Variants in CHRM3 observed in about 807,000 individuals in gnomAD.
The protein encoded by CHRM3 is cholinergic receptor muscarinic 3.
In CHRM3, 11 loss-of-function variants were observed where a neutral mutation model predicts 41.8. The ratio of observed to expected loss-of-function variants is 0.26; its 90% CI spans 0.17 to 0.44. The LOEUF is 0.44. CHRM3 is among the 20% of genes least tolerant of loss of function. The pLI is 1.00. For synonymous variants in CHRM3, 297 were observed against 301.4 expected, an observed-to-expected ratio of 0.99 and a Z score of 0.15; for missense variants, 571 against 745.4, an observed-to-expected ratio of 0.77 and a Z score of 2.72.
intron 1 of CHRM3, among the ~76,000 whole-genome samples, chr1:239,393,359 A>G (rs1039576759): frequency 2.6e-5 from 4 of 152,176 alleles, no homozygotes; most frequent in African/African-American, 9.7e-5. Context: ...TAAAAGCACA[A>G]CTTCTGTTGT....
chr1:239,800,610 G>A lies in CHRM3; in HGVS notation c.-146-26642G>A, dbSNP rs913875533. Among the ~76,000 whole-genome samples, 16 of 152,112 alleles carry A rather than the reference G, an allele frequency of 1.1e-4. 1 individual carries two copies. The highest frequency in any genetic ancestry group is 7.9e-4 in the Admixed American group (12 of 15,276). On this transcript the variant is annotated intron_variant, in intron 5 of 6. Transcript: ENST00000676153. ...TCTGAGATTCTGCAATTCTTACAAC[G>A]TCCAAGTCCAAGGAGATGCCAGCAT... is the stretch of plus-strand genomic sequence containing the variant.
intron 1 of CHRM3, among the ~76,000 whole-genome samples, chr1:239,425,505 A>G (rs1299939319): frequency 6.6e-6 from 1 of 152,052 alleles, no homozygotes. Context: ...GCCTTCACTC[A>G]TCCTTTCCCC....
chr1:239,798,199 AT>A (rs1669944082), intron 5 of CHRM3, among the ~76,000 whole-genome samples: 1 of 152,216 alleles, frequency 6.6e-6, no homozygotes. Context: ...TATTGTAAGA[AT>A]ATAGTATATA....
At chr1:239,840,303 C>T (rs1022461607) in intron 6 of CHRM3, among the ~76,000 whole-genome samples, 10 of 152,116 alleles carry the variant, frequency 6.6e-5, no homozygotes, top group African/African-American at 2.4e-4. Flanking sequence ...AGCGTTAACC[C>T]CATTAACCTG....
At chr1:239,725,369 A>G (rs907326380) in intron 5 of CHRM3, among the ~76,000 whole-genome samples, 1 of 151,936 alleles carries the variant, frequency 6.6e-6, no homozygotes, top group Non-Finnish European at 1.5e-5. Context: ...CTGCATATAC[A>G]AATTAAAATT....
chr1:239,644,102 ATTTTGGAACCCATCCTAACCT>A, intron 4 of CHRM3, among the ~76,000 whole-genome samples: 1 of 152,218 alleles, frequency 6.6e-6, no homozygotes, highest in East Asian at 1.9e-4. Context: ...AAGGCAAATG[ATTTTGGAACCCATCCTAACCT>A]TTTAGTATCA....
At chr1:239,423,255 C>T (rs1662100844) in intron 1 of CHRM3, among the ~76,000 whole-genome samples, 2 of 152,122 alleles carry the variant, frequency 1.3e-5, no homozygotes, top group Non-Finnish European at 2.9e-5. Context: ...AGCAGGTGTG[C>T]AATGATGATC....
chr1:239,874,811 G>A (rs932242387), intron 6 of CHRM3, among the ~76,000 whole-genome samples: 1 of 151,636 alleles, frequency 6.6e-6, no homozygotes, highest in East Asian at 2.0e-4. Context: ...AGACTGTCCC[G>A]CCTCAGCCTC....
chr1:239,897,194 T>C (rs1679080730), intron 6 of CHRM3, among the ~76,000 whole-genome samples: 1 of 152,210 alleles, frequency 6.6e-6, no homozygotes, highest in Non-Finnish European at 1.5e-5. Context: ...TTTGCAAATA[T>C]ACAGTTCTAT....
At chr1:239,497,489 G>A (rs1015465555) in intron 2 of CHRM3, among the ~76,000 whole-genome samples, 3 of 152,096 alleles carry the variant, frequency 2.0e-5, no homozygotes, top group Admixed American at 6.6e-5. Context: ...TCCCCAGTAC[G>A]TTACTTGGAT....
At chr1:239,894,210 A>G (rs1437797513) in intron 6 of CHRM3, among the ~76,000 whole-genome samples, 3 of 152,242 alleles carry the variant, frequency 2.0e-5, no homozygotes, top group Non-Finnish European at 4.4e-5. Context: ...AGGAAGGAAA[A>G]GGAAAAAAGC....
intron 3 of CHRM3, among the ~76,000 whole-genome samples, chr1:239,576,278 C>CA (rs1662330132): frequency 6.6e-6 from 1 of 151,942 alleles, no homozygotes; most frequent in Admixed American, 6.6e-5. Context: ...TACCCACCCC[C>CA]ATCCCCAGGG....
intron 6 of CHRM3, among the ~76,000 whole-genome samples, chr1:239,838,353 G>A (rs1354206746): frequency 6.6e-6 from 1 of 152,050 alleles, no homozygotes; most frequent in East Asian, 1.9e-4. Context: ...AGAGACAAAT[G>A]TTTGTGGTTA....
chr1:239,582,723 A>G lies in CHRM3; in HGVS notation c.-313+36974A>G, dbSNP rs187734417. Among the ~76,000 whole-genome samples the G allele has an allele frequency of 5.5e-3, 843 of 152,202 alleles. 5 individuals are homozygous for G. Among genetic ancestry groups the G allele is most frequent in the African/African-American group, 0.016 (662 of 41,550 alleles). ...ATCTTCTCTTTCCTGGGTTACTAAA[A>G]CAGCGTAATAACTGGCCACTTAACT... On this transcript the variant is annotated intron_variant, in intron 3 of 6. Coordinates refer to ENST00000676153, the MANE Select transcript of CHRM3 (RefSeq NM_001375978.1).
intron 6 of CHRM3, among the ~76,000 whole-genome samples, chr1:239,853,718 C>T (rs1206187131): frequency 6.6e-6 from 1 of 152,074 alleles, no homozygotes; most frequent in Non-Finnish European, 1.5e-5. Context: ...GTGTGTTCCT[C>T]TTCCTCTCCT....
chr1:239,908,380 G>T lies in CHRM3; in HGVS notation c.929G>T (p.Arg310Leu), dbSNP rs200806862. ...MKRSNRRKYG[R>L]CHFWFTTKSW... ...CGCTCCAACAGGAGGAAGTATGGCC[G>T]CTGCCACTTCTGGTTCACAACCAAG... Residue 310 changes from arginine (R) to leucine (L), a missense_variant, in exon 7 of 7, where the codon CGC becomes CTC. Transcript: ENST00000676153. This position sits in a 1 kb window ranked among gnomAD's most constrained non-coding sequence, Gnocchi z 7.2. 1 of 1,613,942 alleles carries T rather than the reference G, an allele frequency of 6.2e-7. No individual in the cohort carries two copies. Among genetic ancestry groups the T allele is most frequent in the Non-Finnish European group, 8.5e-7 (1 of 1,180,032 alleles).
At chr1:239,416,627 A>G (rs1661522864) in intron 1 of CHRM3, among the ~76,000 whole-genome samples, 1 of 152,132 alleles carries the variant, frequency 6.6e-6, no homozygotes, top group Non-Finnish European at 1.5e-5. Context: ...TGTTTATGTC[A>G]AGAGGAAAAG....
At chr1:239,903,625 AG>A (rs1679746701) in intron 6 of CHRM3, among the ~76,000 whole-genome samples, 1 of 152,178 alleles carries the variant, frequency 6.6e-6, no homozygotes, top group Non-Finnish European at 1.5e-5. Flanking sequence ...GGCTAAATTC[AG>A]GTTTCAAAGG....
intron 1 of CHRM3, among the ~76,000 whole-genome samples, chr1:239,431,208 T>G (rs1662808461): frequency 6.6e-6 from 1 of 152,196 alleles, no homozygotes; most frequent in Non-Finnish European, 1.5e-5. Context: ...AAAATTAATT[T>G]ATTTAATCTA....
Sources: allele counts gnomAD v4.1 joint callset (sites outside exome capture counted in the v4.1 genomes callset), GRCh38; gene constraint gnomAD v4.1.1; non-coding constraint Gnocchi (gnomAD v3.1); transcripts MANE v1.5; gene names NCBI Gene and HGNC (gene_info 2026-07-23, HGNC 2026-07-21).